CACNA2D4: variants seen among roughly 807,000 people sequenced by gnomAD.
The protein encoded by CACNA2D4 is calcium voltage-gated channel auxiliary subunit alpha2delta 4.
A neutral mutation model predicts 163.8 loss-of-function variants in CACNA2D4; 157 were observed. The observed-to-expected ratio is 0.96, with a 90% CI of 0.84 to 1.09. The LOEUF is 1.09. Among genes scored for constraint, CACNA2D4 ranks in the 50% least tolerant of loss-of-function variants. The probability of loss-of-function intolerance (pLI) is 0.00; values close to 1 mark genes in which losing one functional copy is unlikely to be tolerated. For synonymous variants in CACNA2D4, 598 were observed against 586.9 expected (o/e 1.02, Z -0.27); for missense variants, 1,410 against 1,479.9 (o/e 0.95, Z 0.78).
intron 26 of CACNA2D4, chr12:1,811,926 T>C: frequency 1.7e-6 from 1 of 583,230 alleles, no homozygotes; most frequent in Non-Finnish European, 3.0e-6. Context: ...CGGCAGCCTC[T>C]CTCGTTCCCA....
intron 20 of CACNA2D4, among the ~76,000 whole-genome samples, chr12:1,857,070 C>T (rs1476386377): frequency 2.0e-5 from 3 of 152,106 alleles, no homozygotes; most frequent in African/African-American, 4.8e-5. Context: ...GAGGAGTGCA[C>T]CCTGGGAATA....
At chr12:1,822,414 T>C (rs897639135) in intron 26 of CACNA2D4, among the ~76,000 whole-genome samples, 29 of 151,990 alleles carry the variant, frequency 1.9e-4, no homozygotes, top group African/African-American at 6.3e-4. Context: ...TCCTCCTTTT[T>C]CCCCCAGCCA....
In CACNA2D4 at chr12:1,918,503, A is replaced by G; in HGVS notation, c.-30T>C. 6.5e-7 allele frequency: 1 copy of G among 1,527,512 alleles called. No individual in the cohort carries two copies. The highest frequency in any genetic ancestry group is 8.9e-7 in the Non-Finnish European group (1 of 1,128,028). 94.6% of individuals were successfully genotyped at this position (1,527,512 alleles called of 1,614,324 possible). ...TCTGTCTGCCTTCCTCCCAGACCCC[A>G]GGACGCCCCAGGCCTTTGTCTTCCG... On this transcript the variant is annotated 5_prime_UTR_variant, in exon 1 of 38. Transcript: ENST00000382722.
intron 20 of CACNA2D4, among the ~76,000 whole-genome samples, chr12:1,856,715 G>A (rs1265547447): frequency 6.6e-6 from 1 of 152,212 alleles, no homozygotes; most frequent in Non-Finnish European, 1.5e-5. Context: ...TGGGCCCTGT[G>A]TGTTTTGCGG....
At position 1,797,455 on chromosome 12, in the gene CACNA2D4, C is replaced by A. The variant is rs1555173754; in HGVS notation, c.3076G>T (p.Glu1026Ter). 6.3e-7 allele frequency: 1 copy of A among 1,578,936 alleles called. No individual in the cohort carries two copies. Among genetic ancestry groups the A allele is most frequent in the East Asian group, 2.3e-5 (1 of 43,180 alleles). The change falls in exon 35 of 38, where the codon GAG becomes TAG. Residue 1026 changes from glutamate to a stop codon, truncating the protein, a stop_gained. Transcript: ENST00000382722. LOFTEE classifies it high-confidence loss of function. ...PVFVYQPAIR[E>*]ANGIVECGPC... ...CCGCACTCCACGATCCCGTTGGCCT[C>A]CCGGATGGCCGGCTGGTACACGAAC...
chr12:1,898,606 C>A (rs1039454619), intron 6 of CACNA2D4, among the ~76,000 whole-genome samples: 2 of 151,982 alleles, frequency 1.3e-5, no homozygotes, highest in South Asian at 4.1e-4. Flanking sequence ...CAGAAAATAA[C>A]AAGCTGGCAA....
chr12:1,887,197 G>C, intron 6 of CACNA2D4, 128 bp from the exon 7 acceptor site: 2 of 661,084 alleles, frequency 3.0e-6, no homozygotes, highest in Non-Finnish European at 5.6e-6. Context: ...GGAACAGGGT[G>C]GGGAACACTG....
At chr12:1,886,411 CA>C (rs1407224527) in intron 7 of CACNA2D4, 38 bp from the exon 8 acceptor site, 1 of 1,598,586 alleles carries the variant, frequency 6.3e-7, no homozygotes, top group Admixed American at 1.7e-5. Context: ...ATGGGAAAAC[CA>C]AAGCCGGAAC....
intron 3 of CACNA2D4, among the ~76,000 whole-genome samples, chr12:1,912,252 A>G (rs1054123592): frequency 6.6e-6 from 1 of 152,152 alleles, no homozygotes; most frequent in African/African-American, 2.4e-5. Context: ...CCTTTCAGGG[A>G]GAGCACTGGT....
intron 18 of CACNA2D4, among the ~76,000 whole-genome samples, chr12:1,871,918 C>T (rs1019916180): frequency 1.3e-5 from 2 of 152,172 alleles, no homozygotes; most frequent in South Asian, 2.1e-4. Flanking sequence ...AATGACAGAA[C>T]GACTCCTAGG....
intron 24 of CACNA2D4, among the ~76,000 whole-genome samples, chr12:1,845,956 C>T (rs1328920880): frequency 2.0e-5 from 3 of 152,220 alleles, no homozygotes; most frequent in Non-Finnish European, 4.4e-5. Flanking sequence ...CACAAAATCA[C>T]CCCCAGTTGA....
rs199498850 is a variant in CACNA2D4, at chr12:1,853,969, A to T, written c.2228T>A (p.Leu743Gln). Residue 743 changes from leucine to glutamine, a missense_variant, in exon 23 of 38, where the codon CTG becomes CAG. Leu to Gln is a moderately radical substitution (Grantham distance 113). Coordinates refer to ENST00000382722, the MANE Select transcript of CACNA2D4 (RefSeq NM_172364.5). ...GACCTACTCGGACATGTTGAGGGCC[A>T]GCGCTGTCCAGTAGGCTTCCATGGG... is the stretch of plus-strand genomic sequence containing the variant. ...TAPMEAYWTA[L>Q]ALNMSEESEH... 2.5e-6 allele frequency: 4 copies of T among 1,613,422 alleles called. No individual in the cohort carries two copies. The highest frequency in any genetic ancestry group is 1.1e-5 in the South Asian group (1 of 90,988).
rs1193215986 is a variant in CACNA2D4, at chr12:1,843,006, C to T, written c.2470+1396G>A. Among the ~76,000 whole-genome samples the T allele has an allele frequency of 3.3e-5, 5 of 152,076 alleles. No individual in the cohort carries two copies. The highest frequency in any genetic ancestry group is 2.0e-4 in the Admixed American group (3 of 15,274). ...CTGTGGCTCCCTTGCTGTGTGACCCCGGGCAAGTTACAGAACCTCTCTGAG... is the reference window on the plus strand; with the variant it reads ...CTGTGGCTCCCTTGCTGTGTGACCCTGGGCAAGTTACAGAACCTCTCTGAG... On this transcript the variant is annotated intron_variant, in intron 25 of 37. Transcript: ENST00000382722. The surrounding 1 kb of genome is among the most constrained non-coding windows in gnomAD (Gnocchi z 4.6).
chr12:1,798,113 G>A lies in CACNA2D4; in HGVS notation c.2996-578C>T, dbSNP rs981838759. ...CCCAGAAGCCACAGCCACCCGGTGC[G>A]GGACTCCTCGGGGGCTGCGCGATTT... is the stretch of plus-strand genomic sequence containing the variant. On this transcript the variant is annotated intron_variant, in intron 34 of 37. Coordinates refer to ENST00000382722, the MANE Select transcript of CACNA2D4 (RefSeq NM_172364.5). The surrounding 1 kb of genome is among the most constrained non-coding windows in gnomAD (Gnocchi z 4.3). 3.9e-5 allele frequency among the ~76,000 whole-genome samples: 6 copies of A among 152,212 alleles called. No individual in the cohort carries two copies. Among genetic ancestry groups the A allele is most frequent in the Non-Finnish European group, 8.8e-5 (6 of 68,014 alleles).
intron 29 of CACNA2D4, among the ~76,000 whole-genome samples, chr12:1,808,451 C>T (rs572822336): frequency 1.3e-5 from 2 of 152,348 alleles, no homozygotes; most frequent in African/African-American, 2.4e-5. Context: ...ACTGGAGCAA[C>T]GCCACCTGCA....
At position 1,895,179 on chromosome 12, in the gene CACNA2D4, G is replaced by T. The variant is rs111602602; in HGVS notation, c.782-8110C>A. On this transcript the variant is annotated intron_variant, in intron 6 of 37. Coordinates refer to ENST00000382722, the MANE Select transcript of CACNA2D4 (RefSeq NM_172364.5). ...ACCTAGGAATAAATTTAACCAAGAA[G>T]GTGAAGGACCTGCATAAGGAAAGCT... is the stretch of plus-strand genomic sequence containing the variant. Among the ~76,000 whole-genome samples, 581 of 152,056 alleles carry T rather than the reference G, an allele frequency of 3.8e-3. 5 individuals are homozygous for T. The highest frequency in any genetic ancestry group is 0.013 in the African/African-American group (550 of 41,482).
At position 1,884,831 on chromosome 12, in the gene CACNA2D4, G is replaced by A. The variant is rs1866095426; in HGVS notation, c.1209C>T (p.Ile403=). 2 of 1,613,870 alleles carry A rather than the reference G, an allele frequency of 1.2e-6. No individual in the cohort carries two copies. Among genetic ancestry groups the A allele is most frequent in the Non-Finnish European group, 1.7e-6 (2 of 1,179,842 alleles). The part of the protein sequence containing the change: ...GSLCNQAIML[I]SDGAVEDYEP... ...CGTAGTCCTCCACGGCGCCGTCGCT[G>A]ATGAGCATGATGGCCTGGTTGCAGA... The change falls in exon 11 of 38, where the codon ATC becomes ATT. Residue 403 remains isoleucine (I), a synonymous_variant. Transcript: ENST00000382722.
intron 37 of CACNA2D4, among the ~76,000 whole-genome samples, chr12:1,794,778 A>G (rs1383069192): frequency 6.6e-6 from 1 of 152,196 alleles, no homozygotes; most frequent in African/African-American, 2.4e-5. Flanking sequence ...TGGAGGCCTC[A>G]TTATGATCAT....
intron 18 of CACNA2D4, among the ~76,000 whole-genome samples, chr12:1,862,082 T>C (rs141917380): frequency 6.6e-6 from 1 of 152,374 alleles, no homozygotes; most frequent in African/African-American, 2.4e-5. Context: ...CTGAGTAGTA[T>C]CGCAGTGTGT....
Sources: allele counts gnomAD v4.1 joint callset (sites outside exome capture counted in the v4.1 genomes callset), GRCh38; gene constraint gnomAD v4.1.1; non-coding constraint Gnocchi (gnomAD v3.1); transcripts MANE v1.5; gene names NCBI Gene and HGNC (gene_info 2026-07-23, HGNC 2026-07-21).